COBLL1: variants seen among roughly 807,000 people sequenced by gnomAD.
COBLL1 encodes cordon-bleu WH2 repeat protein like 1, also known as cordon-bleu protein-like 1.
A neutral mutation model predicts 94.8 loss-of-function variants in COBLL1; 50 were observed. The observed-to-expected ratio is 0.53, with a 90% CI of 0.42 to 0.67. The LOEUF is 0.67. Among genes scored for constraint, COBLL1 ranks in the 30% least tolerant of loss-of-function variants. COBLL1 has a pLI of 0.00. For missense variants in COBLL1, 1,362 were observed against 1,348.7 expected, an observed-to-expected ratio of 1.01 and a Z score of -0.15; for synonymous variants, 448 against 473.8, an observed-to-expected ratio of 0.95 and a Z score of 0.71.
chr2:164,841,881 C>T (rs1054469955), upstream of COBLL1: 5 of 1,162,158 alleles, frequency 4.3e-6, no homozygotes, highest in South Asian at 1.4e-5. The surrounding 1 kb of genome is among the most constrained non-coding windows in gnomAD (Gnocchi z 5.5). Context: ...GACTCAGCAC[C>T]TCCCCTGTCC....
chr2:164,692,473 A>C, intron 12 of COBLL1, 76 bp from the exon 13 acceptor site: 1 of 1,147,254 alleles, frequency 8.7e-7, no homozygotes, highest in Non-Finnish European at 1.3e-6. Context: ...CATTTTCATC[A>C]TCAATAGTTC....
intron 11 of COBLL1, among the ~76,000 whole-genome samples, chr2:164,698,945 G>T (rs1312783687): frequency 6.6e-6 from 1 of 151,850 alleles, no homozygotes; most frequent in Admixed American, 6.6e-5. Flanking sequence ...TGGTAAATAA[G>T]GTTATATTAT....
chr2:164,818,281 C>T, intron 2 of COBLL1, among the ~76,000 whole-genome samples: 1 of 147,370 alleles, frequency 6.8e-6, no homozygotes, highest in African/African-American at 2.5e-5. Flanking sequence ...TGTATGTATA[C>T]ATATATGTAT....
chr2:164,762,562 T>C (rs141916329), intron 2 of COBLL1, among the ~76,000 whole-genome samples: 4 of 152,182 alleles, frequency 2.6e-5, no homozygotes, highest in Non-Finnish European at 4.4e-5. Flanking sequence ...ATCAAATGTA[T>C]AGTGTATTAT....
chr2:164,667,022 T>C (rs796854132), intron 1 of COBLL1, among the ~76,000 whole-genome samples: 2 of 152,260 alleles, frequency 1.3e-5, no homozygotes, highest in African/African-American at 4.8e-5. Flanking sequence ...TTTCCTCGGA[T>C]CCATCAGAAG....
intron 11 of COBLL1, chr2:164,697,326 A>G (rs1684008022): frequency 6.6e-6 from 1 of 152,112 alleles, no homozygotes; most frequent in East Asian, 1.9e-4. Flanking sequence ...TTTCTCAATG[A>G]CCAATTATTA....
intron 2 of COBLL1, among the ~76,000 whole-genome samples, chr2:164,830,060 C>G (rs1682996466): frequency 6.6e-6 from 1 of 152,228 alleles, no homozygotes; most frequent in African/African-American, 2.4e-5. Context: ...TGAGTGGCAA[C>G]TAAGCAGAGA....
intron 2 of COBLL1, chr2:164,837,377 AAACTT>A (rs1021279655): frequency 9.2e-6 from 4 of 435,306 alleles, no homozygotes; most frequent in African/African-American, 8.4e-5. Context: ...CTAATATAGA[AAACTT>A]AAATAAATTT....
chr2:164,721,665 A>G (rs746155126), intron 7 of COBLL1, among the ~76,000 whole-genome samples: 4 of 152,218 alleles, frequency 2.6e-5, no homozygotes, highest in Non-Finnish European at 5.9e-5. Flanking sequence ...TGTGGTTAGA[A>G]ACCCATGAAC....
intron 2 of COBLL1, among the ~76,000 whole-genome samples, chr2:164,813,746 C>T (rs1310414227): frequency 6.6e-6 from 1 of 152,100 alleles, no homozygotes; most frequent in South Asian, 2.1e-4. Context: ...TACAAGAAAA[C>T]TGTTTGTAGT....
At chr2:164,755,996 T>C (rs1454166571) in intron 2 of COBLL1, among the ~76,000 whole-genome samples, 1 of 151,888 alleles carries the variant, frequency 6.6e-6, no homozygotes, top group East Asian at 1.9e-4. Flanking sequence ...TCTATACATA[T>C]AGTACACACA....
At chr2:164,758,654 C>T (rs910938287) in intron 2 of COBLL1, among the ~76,000 whole-genome samples, 1 of 151,916 alleles carries the variant, frequency 6.6e-6, no homozygotes, top group Non-Finnish European at 1.5e-5. Flanking sequence ...ATGTGACTGA[C>T]ACTACAATTA....
At chr2:164,701,671 TAA>T (rs3835923) in intron 9 of COBLL1, among the ~76,000 whole-genome samples, 49,051 of 151,784 alleles carry the variant, frequency 0.32, 9,958 homozygotes, top group African/African-American at 0.58. Context: ...TTTCACTGTA[TAA>T]AAAAAATGTA....
intron 1 of COBLL1, among the ~76,000 whole-genome samples, chr2:164,673,758 C>G (rs1421002088): frequency 2.6e-5 from 4 of 152,076 alleles, no homozygotes; most frequent in Non-Finnish European, 4.4e-5. Context: ...TTTACAAGTA[C>G]TATGAAAGAG....
At chr2:164,706,669 C>G (rs1388699750) in intron 7 of COBLL1, among the ~76,000 whole-genome samples, 1 of 152,142 alleles carries the variant, frequency 6.6e-6, no homozygotes, top group African/African-American at 2.4e-5. Context: ...TTGTATCTGT[C>G]ACATCTCACA....
At chr2:164,748,321 A>C (rs1395456621) in intron 2 of COBLL1, among the ~76,000 whole-genome samples, 2 of 152,130 alleles carry the variant, frequency 1.3e-5, no homozygotes. Flanking sequence ...TTTTGAAAAT[A>C]TCTTTTACCT....
upstream of COBLL1, chr2:164,841,989 C>A (rs1183431566): frequency 1.9e-6 from 3 of 1,539,960 alleles, no homozygotes; most frequent in Non-Finnish European, 2.6e-6. The surrounding 1 kb of genome is among the most constrained non-coding windows in gnomAD (Gnocchi z 5.5). Context: ...AGTCCGGGAG[C>A]TCGCCGCCGC....
chr2:164,745,021 T>C (rs949708739), intron 2 of COBLL1, among the ~76,000 whole-genome samples: 1 of 152,188 alleles, frequency 6.6e-6, no homozygotes, highest in African/African-American at 2.4e-5. Flanking sequence ...GGCTAATTGG[T>C]TTTAGAAAAA....
chr2:164,718,115 T>C (rs1018824844), intron 7 of COBLL1: 1 of 318,528 alleles, frequency 3.1e-6, no homozygotes, highest in Non-Finnish European at 4.5e-6. Context: ...AATTTTACGA[T>C]ATAAGTGTGA....
Sources: gnomAD v4.1 joint callset for allele counts (sites outside exome capture counted in the v4.1 genomes callset) on GRCh38, gnomAD v4.1.1 for gene constraint, Gnocchi (gnomAD v3.1) non-coding constraint, MANE v1.5 for transcripts, NCBI Gene and HGNC (gene_info 2026-07-23, HGNC 2026-07-21) for gene names.